The following RBMS1 variants were observed in gnomAD, a reference collection of about 807,000 sequenced individuals.
RBMS1 encodes RNA-binding motif, single-stranded-interacting protein 1.
In RBMS1, 17 loss-of-function variants were observed where a neutral mutation model predicts 62.3. That is an observed-to-expected ratio of 0.27 (90% CI 0.19 to 0.41). The LOEUF (loss-of-function observed/expected upper bound fraction) is 0.41, where lower values mean the gene tolerates loss of function less well. Among genes scored for constraint, RBMS1 ranks in the 10% least tolerant of loss-of-function variants. The pLI is 1.00. For missense variants in RBMS1, 334 were observed against 504.5 expected (o/e 0.66, Z 3.24); for synonymous variants, 172 against 170.0 (o/e 1.01, Z -0.09).
intron 1 of RBMS1, among the ~76,000 whole-genome samples, chr2:160,415,489 TA>T (rs142466103): frequency 3.3e-5 from 5 of 150,290 alleles, no homozygotes; most frequent in South Asian, 4.2e-4. Context: ...TTAGGAAATT[TA>T]AAAAAAAAAT....
intron 4 of RBMS1, among the ~76,000 whole-genome samples, chr2:160,311,228 C>CTATATATCTATATATCTATATATCTATA (rs1252861710): frequency 3.1e-5 from 3 of 95,944 alleles, no homozygotes; most frequent in African/African-American, 1.1e-4. Context: ...ATCTATCTAT[C>CTATATATCTATATATCTATATATCTATA]TATCTATATA....
In RBMS1 at chr2:160,372,899, T is replaced by C. The variant is rs149090773; in HGVS notation, c.76-5508A>G. Among the ~76,000 whole-genome samples, 8 of 152,232 alleles carry C rather than the reference T, an allele frequency of 5.3e-5. No homozygotes were observed. In the East Asian group the frequency reaches 1.5e-3, roughly 29 times the overall value. On this transcript the variant is annotated intron_variant, in intron 1 of 13. Transcript: ENST00000348849. ...AGGATGTTAAAAAACACATAGCTAC[T>C]AGATTAATGAAGAGTAAGGCCCCTT... is the stretch of plus-strand genomic sequence containing the variant.
chr2:160,446,336 C>G (rs1416860917), intron 1 of RBMS1, among the ~76,000 whole-genome samples: 4 of 152,138 alleles, frequency 2.6e-5, no homozygotes, highest in Non-Finnish European at 5.9e-5. Flanking sequence ...CAGGATTGGC[C>G]GATTGCTCTT....
chr2:160,393,954 ATAC>A (rs1695001915), intron 1 of RBMS1, among the ~76,000 whole-genome samples: 1 of 152,170 alleles, frequency 6.6e-6, no homozygotes, highest in South Asian at 2.1e-4. Context: ...TTGGCCTAGT[ATAC>A]TACACTTCTT....
chr2:160,320,472 C>G (rs538234127), intron 2 of RBMS1, among the ~76,000 whole-genome samples: 2 of 152,194 alleles, frequency 1.3e-5, no homozygotes, highest in Admixed American at 1.3e-4. Context: ...GACCATGTCT[C>G]AAAACAAAAC....
intron 2 of RBMS1, among the ~76,000 whole-genome samples, chr2:160,334,608 AG>A (rs1407535884): frequency 2.6e-5 from 4 of 152,162 alleles, no homozygotes; most frequent in African/African-American, 9.7e-5. Flanking sequence ...AGCCACTTCC[AG>A]TGACTATGTG....
Position 160,303,796 on chromosome 2 carries a change from C to A in RBMS1, c.403-309G>T, listed in dbSNP as rs114325561. On this transcript the variant is annotated intron_variant, in intron 4 of 13. Coordinates refer to ENST00000348849, the MANE Select transcript of RBMS1 (RefSeq NM_016836.4). ...GTGTTTCTAAAAATAACTGACCTCTCCTCCACTGTTATTTTTAGGAGTCCA... is the reference window on the plus strand; with the variant it reads ...GTGTTTCTAAAAATAACTGACCTCTACTCCACTGTTATTTTTAGGAGTCCA... Among the ~76,000 whole-genome samples the A allele has an allele frequency of 8.6e-4, 131 of 152,264 alleles. 1 individual carries two copies. In the Middle Eastern group the frequency reaches 0.017, roughly 20 times the overall value.
chr2:160,399,442 T>C (rs796629695), intron 1 of RBMS1, among the ~76,000 whole-genome samples: 3 of 152,304 alleles, frequency 2.0e-5, no homozygotes, highest in African/African-American at 7.2e-5. Flanking sequence ...AGCTAGCTGG[T>C]TTCCCTGCCC....
chr2:160,278,445 T>C, intron 11 of RBMS1, 103 bp downstream of exon 11: 1 of 922,936 alleles, frequency 1.1e-6, no homozygotes, highest in Non-Finnish European at 1.7e-6. Flanking sequence ...GGATTAGACA[T>C]AATCTGTTAT....
intron 1 of RBMS1, among the ~76,000 whole-genome samples, chr2:160,372,023 A>G (rs1693750731): frequency 6.6e-6 from 1 of 152,232 alleles, no homozygotes; most frequent in African/African-American, 2.4e-5. Flanking sequence ...ACTAAAATAC[A>G]TTAGTAATCA....
At chr2:160,404,976 CT>C (rs1361878896) in intron 1 of RBMS1, among the ~76,000 whole-genome samples, 4 of 152,210 alleles carry the variant, frequency 2.6e-5, no homozygotes, top group Admixed American at 2.6e-4. Context: ...GGTTCAAATC[CT>C]GGCTCTGCAC....
intron 12 of RBMS1, 46 bp downstream of exon 12, chr2:160,277,257 T>C (rs1472182196): frequency 1.4e-6 from 2 of 1,467,934 alleles, no homozygotes; most frequent in South Asian, 2.4e-5. Flanking sequence ...TACCCATTTC[T>C]GAAACTACTT....
At chr2:160,286,303 C>CTT (rs1221643184) in intron 7 of RBMS1, among the ~76,000 whole-genome samples, 2 of 122,466 alleles carry the variant, frequency 1.6e-5, no homozygotes, top group Non-Finnish European at 3.5e-5. Flanking sequence ...TTCTTCCTTT[C>CTT]TTTTTTTTTT....
At chr2:160,464,963 T>C (rs1444696032) in intron 1 of RBMS1, among the ~76,000 whole-genome samples, 1 of 152,222 alleles carries the variant, frequency 6.6e-6, no homozygotes, top group Non-Finnish European at 1.5e-5. Flanking sequence ...CAGAATAGTA[T>C]GCTACTGTAG....
intron 1 of RBMS1, among the ~76,000 whole-genome samples, chr2:160,474,429 T>C (rs10173412): frequency 0.22 from 33,076 of 152,146 alleles, 3,923 homozygotes; most frequent in African/African-American, 0.3. Context: ...TTTTCTTTAC[T>C]GATATGACTG....
intron 1 of RBMS1, among the ~76,000 whole-genome samples, chr2:160,433,333 T>C (rs1682977289): frequency 6.6e-6 from 1 of 152,198 alleles, no homozygotes; most frequent in South Asian, 2.1e-4. Flanking sequence ...GAGGATCGCT[T>C]GAGCCTGGAA....
intron 1 of RBMS1, among the ~76,000 whole-genome samples, chr2:160,414,250 C>T (rs929917438): frequency 4.6e-5 from 7 of 152,290 alleles, no homozygotes; most frequent in Admixed American, 4.6e-4. Flanking sequence ...ATCTAAATCT[C>T]ACTTCACTGA....
chr2:160,336,238 T>C (rs1177340766), intron 2 of RBMS1, among the ~76,000 whole-genome samples: 1 of 152,202 alleles, frequency 6.6e-6, no homozygotes, highest in Non-Finnish European at 1.5e-5. Context: ...AGCTAAGTCA[T>C]TTCTCCTAAG....
chr2:160,475,494 C>G (rs1430249481), intron 1 of RBMS1, among the ~76,000 whole-genome samples: 1 of 152,244 alleles, frequency 6.6e-6, no homozygotes, highest in African/African-American at 2.4e-5. Context: ...CTGGTAACTG[C>G]TCCCACCCTT....
Sources: allele counts gnomAD v4.1 joint callset (sites outside exome capture counted in the v4.1 genomes callset), GRCh38; gene constraint gnomAD v4.1.1; transcripts MANE v1.5; gene names NCBI Gene and HGNC (gene_info 2026-07-23, HGNC 2026-07-21).